Variants in SPTLC2 observed in about 807,000 individuals in gnomAD.
SPTLC2 encodes serine palmitoyltransferase long chain base subunit 2.
Under a neutral mutation model 62.0 loss-of-function variants are expected in SPTLC2, and 21 were observed. That is an observed-to-expected ratio of 0.34 (90% CI 0.24 to 0.49). The LOEUF is 0.49. SPTLC2 is among the 20% of genes least tolerant of loss of function. The pLI is 0.99. For missense variants in SPTLC2, 511 were observed against 713.0 expected (o/e 0.72, Z 3.23); for synonymous variants, 261 against 261.8 (o/e 1.00, Z 0.03).
rs1308192293 is a variant in SPTLC2, at chr14:77,509,987, T to A, written c.*2297A>T. The A allele has an allele frequency of 2.5e-6, 1 of 398,230 alleles. No homozygotes were observed. The highest frequency in any genetic ancestry group is 4.4e-6 in the Non-Finnish European group (1 of 225,946). The allele number at this position is 398,230 out of a possible 1,614,324, so 24.7% of individuals were successfully genotyped here. ...GCAGGTAAGTTCATTGCTTATAAGT[T>A]TGTGACTTTTACAAACCCTACGTTT... On this transcript the variant is annotated 3_prime_UTR_variant, in exon 12 of 12. Transcript: ENST00000216484.
intron 3 of SPTLC2, 91 bp downstream of exon 3, chr14:77,578,864 T>C: frequency 1.4e-6 from 2 of 1,428,464 alleles, no homozygotes; most frequent in Non-Finnish European, 2.0e-6. Flanking sequence ...ACTCCTATTT[T>C]GAGAGAATAC....
Position 77,560,673 on chromosome 14 carries a change from T to C in SPTLC2, c.850+1723A>G, listed in dbSNP as rs908504778. The stretch of plus-strand genomic sequence containing the variant: ...TACATATACACCATGGAATACTATG[T>C]AGCCATAAGAAAGAATGAGATCATG... On this transcript the variant is annotated intron_variant, in intron 6 of 11. Coordinates refer to ENST00000216484, the MANE Select transcript of SPTLC2 (RefSeq NM_004863.4). Among the ~76,000 whole-genome samples the C allele has an allele frequency of 5.9e-5, 9 of 151,688 alleles. No individual in the cohort carries two copies. In the East Asian group the frequency reaches 1.7e-3, roughly 29 times the overall value.
At position 77,536,597 on chromosome 14, in the gene SPTLC2, T is replaced by C. The variant is rs374503925; in HGVS notation, c.1304-15016A>G. On this transcript the variant is annotated intron_variant, in intron 9 of 11. Coordinates refer to ENST00000216484, the MANE Select transcript of SPTLC2 (RefSeq NM_004863.4). ...CCATTAGCAATACCCCTTTTCATCC[T>C]AGTCCTTCCAGCCTATAGGCCGAGT... 4.6e-3 allele frequency among the ~76,000 whole-genome samples: 708 copies of C among 152,292 alleles called. 7 individuals carry two copies. The highest frequency in any genetic ancestry group is 0.016 in the African/African-American group (682 of 41,566).
At chr14:77,521,222 C>T (rs1304276580) in intron 10 of SPTLC2, among the ~76,000 whole-genome samples, 1 of 152,144 alleles carries the variant, frequency 6.6e-6, no homozygotes, top group African/African-American at 2.4e-5. Flanking sequence ...CTGATCTATC[C>T]CAGGCCCCTA....
intron 1 of SPTLC2, 74 bp from the exon 2 acceptor site, chr14:77,597,454 G>A: frequency 7.2e-7 from 1 of 1,388,356 alleles, no homozygotes; most frequent in Non-Finnish European, 1.0e-6. Flanking sequence ...TAGGTCCTTA[G>A]AGATTTGCTG....
chr14:77,610,490 T>G (rs530353034), intron 1 of SPTLC2, among the ~76,000 whole-genome samples: 16 of 152,220 alleles, frequency 1.1e-4, no homozygotes, highest in African/African-American at 3.6e-4. Flanking sequence ...CTCGCCACGT[T>G]GCCCAGGCTG....
chr14:77,516,930 AG>A (rs2079362202), intron 11 of SPTLC2, among the ~76,000 whole-genome samples: 1 of 152,260 alleles, frequency 6.6e-6, no homozygotes. Flanking sequence ...ACTTTTATAA[AG>A]AAGCATTCAT....
At chr14:77,609,415 T>C (rs2079922814) in intron 1 of SPTLC2, among the ~76,000 whole-genome samples, 1 of 152,144 alleles carries the variant, frequency 6.6e-6, no homozygotes, top group Admixed American at 6.6e-5. Flanking sequence ...TGATAGACAT[T>C]TGGATTGTTT....
chr14:77,523,452 T>C (rs1244850408), intron 9 of SPTLC2, among the ~76,000 whole-genome samples: 3 of 152,018 alleles, frequency 2.0e-5, no homozygotes, highest in East Asian at 3.9e-4. Flanking sequence ...GGGCTAGAAT[T>C]TGTTGGGCAG....
intron 3 of SPTLC2, among the ~76,000 whole-genome samples, chr14:77,578,581 G>A (rs1477256368): frequency 6.6e-6 from 1 of 151,894 alleles, no homozygotes; most frequent in African/African-American, 2.4e-5. Context: ...TTAGCTGGGT[G>A]TGGCGGTGCA....
chr14:77,569,839 C>CT, intron 5 of SPTLC2, among the ~76,000 whole-genome samples: 3 of 80,982 alleles, frequency 3.7e-5, no homozygotes, highest in Non-Finnish European at 5.1e-5. Flanking sequence ...ATATAATATA[C>CT]AATATTATAT....
chr14:77,609,479 G>C (rs2079923374), intron 1 of SPTLC2, among the ~76,000 whole-genome samples: 1 of 152,206 alleles, frequency 6.6e-6, no homozygotes, highest in Admixed American at 6.5e-5. Flanking sequence ...GTTCACGCCT[G>C]TAATTCCAGC....
intron 2 of SPTLC2, among the ~76,000 whole-genome samples, chr14:77,590,130 C>A (rs2079807961): frequency 6.6e-6 from 1 of 152,072 alleles, no homozygotes; most frequent in African/African-American, 2.4e-5. Flanking sequence ...TGTAGGCCAC[C>A]ACACCCAGCT....
At chr14:77,582,469 A>G (rs2079757260) in intron 2 of SPTLC2, among the ~76,000 whole-genome samples, 1 of 152,184 alleles carries the variant, frequency 6.6e-6, no homozygotes, top group Non-Finnish European at 1.5e-5. Flanking sequence ...CAAAAGCAAT[A>G]TTTTTTGTTT....
intron 6 of SPTLC2, among the ~76,000 whole-genome samples, chr14:77,559,868 G>A (rs181932353): frequency 6.6e-6 from 1 of 152,228 alleles, no homozygotes; most frequent in Admixed American, 6.5e-5. Context: ...TCCAGCCTGG[G>A]TGATGCAGCA....
chr14:77,584,677 G>T (rs1243569815), intron 2 of SPTLC2, among the ~76,000 whole-genome samples: 1 of 152,136 alleles, frequency 6.6e-6, no homozygotes, highest in Non-Finnish European at 1.5e-5. Flanking sequence ...AAATCAATCT[G>T]AAATACTTTG....
chr14:77,590,423 T>C (rs1030718644), intron 2 of SPTLC2, among the ~76,000 whole-genome samples: 2 of 152,154 alleles, frequency 1.3e-5, no homozygotes, highest in African/African-American at 4.8e-5. Context: ...AATACAAAGT[T>C]TGCTAGTCCA....
chr14:77,593,676 A>C (rs1368286313), intron 2 of SPTLC2, among the ~76,000 whole-genome samples: 5 of 152,238 alleles, frequency 3.3e-5, no homozygotes, highest in Non-Finnish European at 7.3e-5. Flanking sequence ...TCCTTACATC[A>C]AAGAATTAAC....
intron 2 of SPTLC2, among the ~76,000 whole-genome samples, chr14:77,587,832 T>C (rs1417891916): frequency 1.3e-5 from 2 of 151,196 alleles, no homozygotes; most frequent in African/African-American, 4.9e-5. Context: ...CTAAAAGATT[T>C]CAAGACATTT....
Sources: gnomAD v4.1 joint callset for allele counts (sites outside exome capture counted in the v4.1 genomes callset) on GRCh38, gnomAD v4.1.1 for gene constraint, MANE v1.5 for transcripts, NCBI Gene and HGNC (gene_info 2026-07-23, HGNC 2026-07-21) for gene names.